Variants in SHLD2 observed in about 807,000 individuals in gnomAD.
SHLD2 encodes the protein shieldin complex subunit 2, also known as RINN1-REV7-interacting novel NHEJ regulator 2.
A neutral mutation model predicts 73.2 loss-of-function variants in SHLD2; 30 were observed. That is an observed-to-expected ratio of 0.41 (90% CI 0.31 to 0.56). The LOEUF (loss-of-function observed/expected upper bound fraction) is 0.56. Among genes scored for constraint, SHLD2 ranks in the 20% least tolerant of loss-of-function variants. The pLI is 0.28. For missense variants in SHLD2, 745 were observed against 1,055.9 expected (o/e 0.71, Z 4.08); for synonymous variants, 285 against 370.1 (o/e 0.77, Z 2.64).
chr10:87,162,633 G>T (rs1463695390), intron 4 of SHLD2, among the ~76,000 whole-genome samples: 2 of 152,158 alleles, frequency 1.3e-5, no homozygotes, highest in East Asian at 3.8e-4. Flanking sequence ...GGTCGAGGCT[G>T]CAGTGAGCTG....
chr10:87,146,162 T>A (rs1845591653), intron 2 of SHLD2, among the ~76,000 whole-genome samples: 1 of 152,202 alleles, frequency 6.6e-6, no homozygotes, highest in East Asian at 1.9e-4. Context: ...GGGTAACAGT[T>A]CCACACTTAC....
upstream of SHLD2, chr10:87,095,136 C>A (rs1344295462): frequency 1.5e-5 from 1 of 67,722 alleles, no homozygotes; most frequent in African/African-American, 6.0e-5. Flanking sequence ...TGGAGGGGAA[C>A]GGACGGGAGG....
At chr10:87,181,951 A>G (rs1564615553) in intron 8 of SHLD2, among the ~76,000 whole-genome samples, 1 of 150,968 alleles carries the variant, frequency 6.6e-6, no homozygotes, top group Non-Finnish European at 1.5e-5. Flanking sequence ...GTATTTTTAT[A>G]GAGACAGGGT....
At chr10:87,106,160 T>A (rs925927764) in intron 2 of SHLD2, among the ~76,000 whole-genome samples, 3 of 152,186 alleles carry the variant, frequency 2.0e-5, no homozygotes, top group Non-Finnish European at 4.4e-5. Context: ...CCTGCTACCA[T>A]GGCTGACTAA....
intron 3 of SHLD2, among the ~76,000 whole-genome samples, chr10:87,155,088 C>CCGCG (rs1362718980): frequency 4.6e-5 from 7 of 152,114 alleles, no homozygotes; most frequent in Non-Finnish European, 8.8e-5. Context: ...GCGCCTGCCA[C>CCGCG]CGCGCGCGGC....
At chr10:87,142,128 C>T (rs1206065138) in intron 2 of SHLD2, among the ~76,000 whole-genome samples, 1 of 151,912 alleles carries the variant, frequency 6.6e-6, no homozygotes, top group Non-Finnish European at 1.5e-5. Context: ...CTTGTACTTA[C>T]CAGCTGAATA....
rs572583042 is a variant in SHLD2, at chr10:87,152,670, G to T, written c.1316G>T (p.Ser439Ile). Residue 439 changes from serine (S) to isoleucine (I), a missense_variant, in exon 3 of 10, where the codon AGC becomes ATC. By Grantham distance (142) the Ser-to-Ile change is moderately radical. Coordinates refer to ENST00000298786, the MANE Select transcript of SHLD2 (RefSeq NM_001330112.2). ...TTAATAAAAAACTGTGATTCTAAAA[G>T]CCAGAAGTATAATTGTTTAGTCATG... ...TSLIKNCDSK[S>I]QKYNCLVMVL... The T allele has an allele frequency of 2.4e-4, 380 of 1,610,512 alleles. No homozygotes were observed. The highest frequency in any genetic ancestry group is 1.7e-3 in the African/African-American group (129 of 74,764).
At chr10:87,141,695 C>A (rs1845205584) in intron 2 of SHLD2, among the ~76,000 whole-genome samples, 1 of 152,090 alleles carries the variant, frequency 6.6e-6, no homozygotes, top group African/African-American at 2.4e-5. Context: ...GATACACTAA[C>A]TGCTCTGATT....
chr10:87,157,198 T>G (rs183948552), intron 3 of SHLD2, among the ~76,000 whole-genome samples: 1 of 152,332 alleles, frequency 6.6e-6, no homozygotes, highest in Non-Finnish European at 1.5e-5. Flanking sequence ...GGTGGGAATT[T>G]CCATTAGGCA....
At chr10:87,136,366 A>G (rs916164116) in intron 2 of SHLD2, among the ~76,000 whole-genome samples, 7 of 151,106 alleles carry the variant, frequency 4.6e-5, no homozygotes, top group Middle Eastern at 3.4e-3. Context: ...TTTATCTAGT[A>G]TATTTTTCTG....
At chr10:87,170,235 G>A (rs1475269401) in intron 4 of SHLD2, among the ~76,000 whole-genome samples, 1 of 152,126 alleles carries the variant, frequency 6.6e-6, no homozygotes, top group Non-Finnish European at 1.5e-5. Context: ...AGAAGTATGG[G>A]AACAGCACAA....
chr10:87,123,760 T>A (rs1339528170), intron 2 of SHLD2, among the ~76,000 whole-genome samples: 2 of 152,216 alleles, frequency 1.3e-5, no homozygotes. Context: ...CAGTAGTGAG[T>A]GAGTTCTCAC....
chr10:87,122,930 A>G (rs1168691923), intron 2 of SHLD2, among the ~76,000 whole-genome samples: 2 of 152,122 alleles, frequency 1.3e-5, no homozygotes, highest in Non-Finnish European at 2.9e-5. Context: ...GGCACCTGCC[A>G]CCACGCTCGG....
intron 4 of SHLD2, among the ~76,000 whole-genome samples, chr10:87,167,614 A>C (rs1322550762): frequency 6.6e-6 from 1 of 152,168 alleles, no homozygotes; most frequent in African/African-American, 2.4e-5. Flanking sequence ...AACAAAACCA[A>C]AAATTGAAAA....
intron 4 of SHLD2, among the ~76,000 whole-genome samples, chr10:87,159,263 C>T (rs1296074809): frequency 6.6e-6 from 1 of 152,058 alleles, no homozygotes; most frequent in Non-Finnish European, 1.5e-5. Context: ...TTGGAATGGG[C>T]AAGGTTTCAT....
At chr10:87,111,774 G>A (rs1842940733) in intron 2 of SHLD2, among the ~76,000 whole-genome samples, 1 of 151,312 alleles carries the variant, frequency 6.6e-6, no homozygotes. Flanking sequence ...CACTGCACCT[G>A]GCCAAAATTA....
upstream of SHLD2, chr10:87,095,185 G>T (rs1338298677): frequency 7.0e-6 from 1 of 143,092 alleles, no homozygotes. Context: ...GGGGCGGGTC[G>T]GGGCGGGCCC....
At chr10:87,130,517 A>C (rs1011909338) in intron 2 of SHLD2, among the ~76,000 whole-genome samples, 4 of 152,004 alleles carry the variant, frequency 2.6e-5, no homozygotes, top group African/African-American at 9.7e-5. Context: ...AAAGCGTAGT[A>C]ACCTAACCAT....
chr10:87,107,040 A>G (rs2133973912), intron 2 of SHLD2, among the ~76,000 whole-genome samples: 1 of 151,588 alleles, frequency 6.6e-6, no homozygotes, highest in South Asian at 2.1e-4. Context: ...AAAACTAGTG[A>G]AGCACAGAGA....
Sources: allele counts gnomAD v4.1 joint callset (sites outside exome capture counted in the v4.1 genomes callset), GRCh38; gene constraint gnomAD v4.1.1; transcripts MANE v1.5; gene names NCBI Gene and HGNC (gene_info 2026-07-23, HGNC 2026-07-21).